RGS1: variants seen among roughly 807,000 people sequenced by gnomAD.
The protein encoded by RGS1 is regulator of G protein signaling 1, also known as B-cell activation protein BL34.
A neutral mutation model predicts 22.2 loss-of-function variants in RGS1; 11 were observed. The ratio of observed to expected loss-of-function variants is 0.50; its 90% confidence interval spans 0.31 to 0.82. RGS1 has a LOEUF of 0.82. RGS1 is among the 40% of genes least tolerant of loss of function. The probability of loss-of-function intolerance (pLI) is 0.04; values close to 1 mark genes in which losing one functional copy is unlikely to be tolerated. For missense variants in RGS1, 255 were observed against 245.8 expected (o/e 1.04, Z -0.25); for synonymous variants, 81 against 79.9 (o/e 1.01, Z -0.07).
At chr1:192,577,898 A>G (rs1662091355) in intron 3 of RGS1, 1 of 263,688 alleles carries the variant, frequency 3.8e-6, no homozygotes, top group Non-Finnish European at 7.2e-6. Flanking sequence ...TTTGGCATAT[A>G]TAAAAGATGG....
Position 192,575,943 on chromosome 1 carries a change from G to A in RGS1, c.137+14G>A. On this transcript the variant is annotated intron_variant, in intron 1 of 4. Coordinates refer to ENST00000367459, the MANE Select transcript of RGS1 (RefSeq NM_002922.4). ...GCCAAAGACTTTGTAAGTTTGTTCAGAGTCTCACTTTGTGAATTTTAACAA... is the reference window on the plus strand; with the variant it reads ...GCCAAAGACTTTGTAAGTTTGTTCAAAGTCTCACTTTGTGAATTTTAACAA... 1 of 1,612,170 alleles carries A rather than the reference G, an allele frequency of 6.2e-7. No homozygotes were observed. The highest frequency in any genetic ancestry group is 8.5e-7 in the Non-Finnish European group (1 of 1,178,964).
At position 192,579,664 on chromosome 1, in the gene RGS1, G is replaced by A. The variant is rs74130689; in HGVS notation, c.*342G>A. The A allele has an allele frequency of 0.015, 3,072 of 199,588 alleles. 91 individuals carry two copies. Among genetic ancestry groups the A allele is most frequent in the African/African-American group, 0.066 (2,806 of 42,786 alleles). The allele number at this position is 199,588 out of a possible 1,614,324, so 12.4% of individuals were successfully genotyped here. A position where few individuals can be genotyped will look rare whatever the true frequency, so the allele number is the denominator to read the frequency against. Reference sequence around the variant, plus strand: ...TCTATGAAACTGATTACAACAGACTGTAAGAATCAAAGTCAACTGACATCT... The same window carrying A: ...TCTATGAAACTGATTACAACAGACTATAAGAATCAAAGTCAACTGACATCT... On this transcript the variant is annotated 3_prime_UTR_variant, in exon 5 of 5. Coordinates refer to ENST00000367459, the MANE Select transcript of RGS1 (RefSeq NM_002922.4).
Position 192,575,808 on chromosome 1 carries a change from A to G in RGS1, c.16A>G (p.Ile6Val), listed in dbSNP as rs1167070825. Residue 6 changes from isoleucine to valine, a missense_variant, in exon 1 of 5, where the codon ATC (isoleucine) becomes GTC (valine). Ile to Val is a conservative substitution (Grantham distance 29). Coordinates refer to ENST00000367459, the MANE Select transcript of RGS1 (RefSeq NM_002922.4). MRAAA[I>V]STPKLDKMPG... ...TAAGAGCACCATGCGCGCAGCAGCC[A>G]TCTCCACTCCAAAGTTAGACAAAAT... 1.2e-6 allele frequency: 2 copies of G among 1,613,274 alleles called. No homozygotes were observed. Among genetic ancestry groups the G allele is most frequent in the Admixed American group, 1.7e-5 (1 of 59,964 alleles).
chr1:192,576,821 TTC>T lies in RGS1; in HGVS notation c.268_269del (p.Leu90CysfsTer16). 6.2e-7 allele frequency: 1 copy of T among 1,612,024 alleles called. No individual in the cohort carries two copies. Among genetic ancestry groups the T allele is most frequent in the Non-Finnish European group, 8.5e-7 (1 of 1,178,878 alleles). On this transcript the variant is annotated frameshift_variant, in exon 3 of 5. Coordinates refer to ENST00000367459, the MANE Select transcript of RGS1 (RefSeq NM_002922.4). LOFTEE classifies it high-confidence loss of function. ...CAATGGTCTCAATCTCTGGAAAAAC[TTC>T]TTGCCAACCAAAGTAAGTATAACTA...
intron 2 of RGS1, 32 bp from the exon 3 acceptor site, chr1:192,576,742 T>G: frequency 6.3e-7 from 1 of 1,583,528 alleles, no homozygotes; most frequent in East Asian, 2.3e-5. Context: ...TTTTAAAAAT[T>G]GACTAATGTA....
Position 192,576,826 on chromosome 1 carries a change from G to A in RGS1, c.271G>A (p.Ala91Thr). The A allele has an allele frequency of 6.2e-7, 1 of 1,611,356 alleles. No homozygotes were observed. Residue 91 changes from alanine (A) to threonine (T), a missense_variant, in exon 3 of 5, where the codon GCC (alanine) becomes ACC (threonine). By Grantham distance (58) the Ala-to-Thr change is moderately conservative. Transcript: ENST00000367459. ...GTCTCAATCTCTGGAAAAACTTCTT[G>A]CCAACCAAAGTAAGTATAACTATTG... ...QWSQSLEKLL[A>T]NQTGQNVFGS...
chr1:192,578,209 C>G lies in RGS1; in HGVS notation c.281-13C>G. The G allele has an allele frequency of 6.3e-7, 1 of 1,597,928 alleles. No individual in the cohort carries two copies. Among genetic ancestry groups the G allele is most frequent in the Non-Finnish European group, 8.5e-7 (1 of 1,173,010 alleles). On this transcript the variant is annotated splice_polypyrimidine_tract_variant and intron_variant, in intron 3 of 4. Transcript: ENST00000367459. ...TTTAATTATCTCCCCACCCACCCCT[C>G]GTTTCTTTTTAGCTGGTCAAAATGT...
In RGS1 at chr1:192,579,140, A is replaced by G. The variant is rs1662119625; in HGVS notation, c.448A>G (p.Asn150Asp). 6.2e-7 allele frequency: 1 copy of G among 1,605,534 alleles called. No homozygotes were observed. The highest frequency in any genetic ancestry group is 2.2e-5 in the East Asian group (1 of 44,814). ...CTAACAAGGTTTTCTTTTTTAGATC[A>G]ATATTGACTTCCGCACTCGAGAATC... ...FVHSDAAKQI[N>D]IDFRTRESTA... is the part of the protein sequence containing the mutation. The change falls in exon 5 of 5, where the codon AAT becomes GAT. Residue 150 changes from asparagine (N) to aspartate (D), a missense_variant. Asn to Asp is a conservative substitution (Grantham distance 23). Transcript: ENST00000367459.
Position 192,579,476 on chromosome 1 carries a change from A to C in RGS1, c.*154A>C. 2 of 649,438 alleles carry C rather than the reference A, an allele frequency of 3.1e-6. No homozygotes were observed. Among genetic ancestry groups the C allele is most frequent in the Non-Finnish European group, 5.2e-6 (2 of 385,878 alleles). The allele number at this position is 649,438 out of a possible 1,614,324, so 40.2% of individuals were successfully genotyped here. ...GAATGGATTAACATGAAAGTTATCC[A>C]GGCGCAGAGTTGAAGAAGCATAAGC... On this transcript the variant is annotated 3_prime_UTR_variant, in exon 5 of 5. Coordinates refer to ENST00000367459, the MANE Select transcript of RGS1 (RefSeq NM_002922.4).
At chr1:192,576,419 C>T in intron 2 of RGS1, 54 bp downstream of exon 2, 1 of 1,291,992 alleles carries the variant, frequency 7.7e-7, no homozygotes. Context: ...GAAGCCTATG[C>T]ATTATCTCTA....
rs1662130352 is a variant in RGS1, at chr1:192,579,544, G to A, written c.*222G>A. The A allele has an allele frequency of 2.2e-6, 1 of 463,112 alleles. No homozygotes were observed. The allele number at this position is 463,112 out of a possible 1,614,324, so 28.7% of individuals were successfully genotyped here. A position where few individuals can be genotyped will look rare whatever the true frequency, so the allele number is the denominator to read the frequency against. On this transcript the variant is annotated 3_prime_UTR_variant, in exon 5 of 5. Coordinates refer to ENST00000367459, the MANE Select transcript of RGS1 (RefSeq NM_002922.4). Reference sequence around the variant, plus strand: ...ACCGCAGAAGGAGGAAGATACTGTGGTACTGTCATAAAAAACAGTGGAGCT... The same window carrying A: ...ACCGCAGAAGGAGGAAGATACTGTGATACTGTCATAAAAAACAGTGGAGCT...
intron 2 of RGS1, 122 bp downstream of exon 2, chr1:192,576,487 G>A: frequency 2.8e-6 from 2 of 715,886 alleles, no homozygotes; most frequent in Non-Finnish European, 4.7e-6. Flanking sequence ...TAAGTAACAT[G>A]CCAAATAAAA....
rs1662128250 is a variant in RGS1, at chr1:192,579,417, G to A, written c.*95G>A. The A allele has an allele frequency of 1.7e-6, 2 of 1,163,402 alleles. No homozygotes were observed. Among genetic ancestry groups the A allele is most frequent in the Non-Finnish European group, 2.5e-6 (2 of 810,088 alleles). 72.1% of individuals were successfully genotyped at this position (1,163,402 alleles called of 1,614,324 possible). A position where few individuals can be genotyped will look rare whatever the true frequency, so the allele number is the denominator to read the frequency against. ...GGGTGAACAGCTTGGCCTTTTTTGG[G>A]TGTCTTGACAGGCCAAGAAGAACAA... On this transcript the variant is annotated 3_prime_UTR_variant, in exon 5 of 5. Transcript: ENST00000367459.
At chr1:192,578,963 C>T in intron 4 of RGS1, 174 bp from the exon 5 acceptor site, 4 of 589,774 alleles carry the variant, frequency 6.8e-6, no homozygotes, top group Non-Finnish European at 8.6e-6. Flanking sequence ...TGTAATATTT[C>T]TTATCTCCTT....
In RGS1 at chr1:192,575,819, A is replaced by G; in HGVS notation, c.27A>G (p.Pro9=). 7 of 1,613,384 alleles carry G rather than the reference A, an allele frequency of 4.3e-6. No homozygotes were observed. Among genetic ancestry groups the G allele is most frequent in the South Asian group, 1.1e-5 (1 of 91,058 alleles). Residue 9 remains proline (P), a synonymous_variant, in exon 1 of 5, where the codon CCA becomes CCG. Transcript: ENST00000367459. ...TGCGCGCAGCAGCCATCTCCACTCC[A>G]AAGTTAGACAAAATGCCAGGAATGT... The part of the protein sequence containing the change: MRAAAIST[P]KLDKMPGMFF...
chr1:192,576,194 C>A, intron 1 of RGS1, 91 bp from the exon 2 acceptor site: 1 of 1,114,192 alleles, frequency 9.0e-7, no homozygotes, highest in Non-Finnish European at 1.3e-6. Context: ...TTTAGTATTG[C>A]CTTATTCCTT....
chr1:192,575,998 T>A, intron 1 of RGS1, 69 bp downstream of exon 1: 1 of 1,567,802 alleles, frequency 6.4e-7, no homozygotes, highest in East Asian at 2.3e-5. Flanking sequence ...GGATTGAGAA[T>A]GAATGGAAGA....
At chr1:192,576,984 C>A in intron 3 of RGS1, 149 bp downstream of exon 3, 1 of 548,896 alleles carries the variant, frequency 1.8e-6, no homozygotes, top group South Asian at 3.8e-5. Context: ...GCATAGTATG[C>A]CTCTTAATAA....
intron 1 of RGS1, 39 bp from the exon 2 acceptor site, chr1:192,576,246 C>G: frequency 7.1e-7 from 1 of 1,409,256 alleles, no homozygotes; most frequent in Non-Finnish European, 1.0e-6. Flanking sequence ...AAAATGAATT[C>G]TGAAGAAATA....
Sources: allele counts gnomAD v4.1 joint callset, GRCh38; gene constraint gnomAD v4.1.1; transcripts MANE v1.5; gene names NCBI Gene and HGNC (gene_info 2026-07-23, HGNC 2026-07-21).